The following SMARCA2 variants were observed in gnomAD, a reference collection of about 807,000 sequenced individuals.
SMARCA2 encodes SWI/SNF related BAF chromatin remodeling complex subunit ATPase 2.
SMARCA2 carries 61 observed loss-of-function variants against 199.8 expected under a neutral mutation model. The ratio of observed to expected loss-of-function variants is 0.31; its 90% CI spans 0.25 to 0.38. The LOEUF (loss-of-function observed/expected upper bound fraction) is 0.38. Among genes scored for constraint, SMARCA2 ranks in the 10% least tolerant of loss-of-function variants. The probability of loss-of-function intolerance (pLI) is 1.00; values close to 1 mark genes in which losing one functional copy is unlikely to be tolerated. For missense variants in SMARCA2, 1,344 were observed against 2,012.2 expected (o/e 0.67, Z 6.35); for synonymous variants, 935 against 732.0 (o/e 1.28, Z -4.48).
chr9:2,087,020 C>T lies in SMARCA2; in HGVS notation c.2718C>T (p.Cys906=). The change falls in exon 18 of 34, where the codon TGC becomes TGT. Residue 906 remains cysteine, a synonymous_variant. Transcript: ENST00000349721. ...NFLLPTIFKS[C]STFEQWFNAP... ...TCCTCCCAACAATTTTTAAGAGCTG[C>T]AGCACATTTGAACAATGGTTCAATG... The T allele has an allele frequency of 1.2e-6, 2 of 1,614,128 alleles. No individual in the cohort carries two copies. Among genetic ancestry groups the T allele is most frequent in the African/African-American group, 1.3e-5 (1 of 75,040 alleles).
At chr9:2,136,854 AAAC>A (rs1824218138) in intron 27 of SMARCA2, among the ~76,000 whole-genome samples, 2 of 152,194 alleles carry the variant, frequency 1.3e-5, no homozygotes, top group African/African-American at 4.8e-5. Context: ...ATCAGAGTTT[AAAC>A]AACACATATT....
chr9:2,036,553 A>G (rs756517240), intron 3 of SMARCA2, among the ~76,000 whole-genome samples: 1 of 152,172 alleles, frequency 6.6e-6, no homozygotes, highest in Non-Finnish European at 1.5e-5. Flanking sequence ...ATGGGATGCT[A>G]TTCATGTAGA....
chr9:2,141,471 C>G (rs555391765), intron 27 of SMARCA2, among the ~76,000 whole-genome samples: 1 of 151,972 alleles, frequency 6.6e-6, no homozygotes, highest in South Asian at 2.1e-4. Flanking sequence ...TGTAATGGCA[C>G]AAGGTAATGG....
At chr9:2,145,492 T>C (rs765995192) in intron 27 of SMARCA2, among the ~76,000 whole-genome samples, 5 of 152,100 alleles carry the variant, frequency 3.3e-5, no homozygotes, top group Non-Finnish European at 7.4e-5. Flanking sequence ...CCAAGGAATT[T>C]TATTGTGTGG....
intron 23 of SMARCA2, among the ~76,000 whole-genome samples, chr9:2,106,264 C>G (rs1822750606): frequency 6.6e-6 from 1 of 152,156 alleles, no homozygotes; most frequent in Admixed American, 6.5e-5. Flanking sequence ...GAGAGGTATA[C>G]CCCATCTCTG....
chr9:2,192,975 C>G lies in SMARCA2; in HGVS notation c.*236C>G, dbSNP rs1001316953. On this transcript the variant is annotated 3_prime_UTR_variant, in exon 34 of 34. Transcript: ENST00000349721. Reference sequence around the variant, plus strand: ...TGGGCCTCAAAGATTCAGATTGAAACAAACAAAAAGCTTTTGATGGAAAAT... The same window carrying G: ...TGGGCCTCAAAGATTCAGATTGAAAGAAACAAAAAGCTTTTGATGGAAAAT... 1 of 485,976 alleles carries G rather than the reference C, an allele frequency of 2.1e-6. No homozygotes were observed. The allele number at this position is 485,976 out of a possible 1,614,324, so 30.1% of individuals were successfully genotyped here.
At chr9:2,192,407 A>G in intron 33 of SMARCA2, 1 of 349,676 alleles carries the variant, frequency 2.9e-6, no homozygotes, top group Non-Finnish European at 5.2e-6. Flanking sequence ...AATTTTCTAA[A>G]ACCTGGGGCT....
chr9:2,076,377 C>A, intron 13 of SMARCA2, 48 bp downstream of exon 13: 1 of 1,162,900 alleles, frequency 8.6e-7, no homozygotes, highest in Non-Finnish European at 1.3e-6. Flanking sequence ...GAGGATGATG[C>A]TTAATGAATT....
intron 26 of SMARCA2, among the ~76,000 whole-genome samples, chr9:2,121,509 A>C (rs1823459389): frequency 1.3e-5 from 2 of 152,226 alleles, no homozygotes; most frequent in South Asian, 4.1e-4. Flanking sequence ...TAAAATTTGA[A>C]TCTCTGCCAG....
intron 27 of SMARCA2, among the ~76,000 whole-genome samples, chr9:2,135,198 CAGG>C (rs1824140600): frequency 6.6e-6 from 1 of 152,160 alleles, no homozygotes. Context: ...TGTCTGAGGG[CAGG>C]AGAAGATGGA....
rs114160607 is a variant in SMARCA2 at position 2,115,165 on chromosome 9, A to T, written c.3457-657A>T. Among the ~76,000 whole-genome samples the T allele has an allele frequency of 0.018, 2,795 of 152,316 alleles. 66 individuals are homozygous for T. The highest frequency in any genetic ancestry group is 0.063 in the African/African-American group (2,633 of 41,562). ...ATACATTTCCGAAGTAATATTTCTA[A>T]GTCGGAGACATAGACAGTTTTAACA... On this transcript the variant is annotated intron_variant, in intron 24 of 33. Transcript: ENST00000349721. This position sits in a 1 kb window ranked among gnomAD's most constrained non-coding sequence, Gnocchi z 6.0.
At chr9:2,192,626 T>A (rs368115001) in intron 33 of SMARCA2, 78 bp from the exon 34 acceptor site, 2 of 992,974 alleles carry the variant, frequency 2.0e-6, no homozygotes, top group Non-Finnish European at 3.3e-6. Flanking sequence ...CCTACTGGCC[T>A]CTTGATGGTT....
intron 33 of SMARCA2, chr9:2,192,063 T>A (rs1277242255): frequency 6.5e-6 from 1 of 154,872 alleles, no homozygotes; most frequent in Non-Finnish European, 1.4e-5. Flanking sequence ...AGAGGTGGAA[T>A]TCGGACCCGA....
intron 9 of SMARCA2, among the ~76,000 whole-genome samples, chr9:2,069,949 CA>C (rs1563747344): frequency 6.6e-6 from 1 of 152,168 alleles, no homozygotes; most frequent in Admixed American, 6.5e-5. Context: ...CCTTCCCCCC[CA>C]GTAGTCCCCA....
At chr9:2,033,573 T>C (rs1421846383) in intron 3 of SMARCA2, among the ~76,000 whole-genome samples, 9 of 152,268 alleles carry the variant, frequency 5.9e-5, no homozygotes, top group Non-Finnish European at 1.5e-5. Flanking sequence ...AAGGCAGCTT[T>C]ATCTGGCAGT....
At chr9:2,093,376 C>T (rs995779030) in intron 19 of SMARCA2, among the ~76,000 whole-genome samples, 8 of 152,184 alleles carry the variant, frequency 5.3e-5, no homozygotes, top group Non-Finnish European at 1.2e-4. Flanking sequence ...AGATTGACAC[C>T]GGTACCTATG....
intron 5 of SMARCA2, 130 bp downstream of exon 5, chr9:2,047,614 C>G (rs1034492066): frequency 8.9e-6 from 10 of 1,117,674 alleles, no homozygotes; most frequent in Non-Finnish European, 9.1e-6. Context: ...GGAAAACTTT[C>G]ATCCACTCCT....
chr9:2,122,766 G>C (rs1196292551), intron 26 of SMARCA2, among the ~76,000 whole-genome samples: 1 of 152,190 alleles, frequency 6.6e-6, no homozygotes, highest in South Asian at 2.1e-4. Flanking sequence ...GAAGGAAAAG[G>C]TAAATAACAA....
At chr9:2,175,017 T>C (rs1200100896) in intron 29 of SMARCA2, among the ~76,000 whole-genome samples, 1 of 151,384 alleles carries the variant, frequency 6.6e-6, no homozygotes, top group Non-Finnish European at 1.5e-5. Flanking sequence ...GTGTGGGTTC[T>C]TACATTTTGA....
Sources: allele counts gnomAD v4.1 joint callset (sites outside exome capture counted in the v4.1 genomes callset), GRCh38; gene constraint gnomAD v4.1.1; non-coding constraint Gnocchi (gnomAD v3.1); transcripts MANE v1.5; gene names NCBI Gene and HGNC (gene_info 2026-07-23, HGNC 2026-07-21).